Variants in AKT3 observed in about 807,000 individuals in gnomAD.
The protein encoded by AKT3 is AKT serine/threonine kinase 3.
In AKT3, 15 loss-of-function variants were observed where a neutral mutation model predicts 65.3. The observed-to-expected ratio is 0.23, with a 90% confidence interval of 0.15 to 0.35. The LOEUF (loss-of-function observed/expected upper bound fraction) is 0.35. AKT3 is among the 10% of genes least tolerant of loss of function. The pLI is 1.00. For missense variants in AKT3, 243 were observed against 576.5 expected, an observed-to-expected ratio of 0.42 and a Z score of 5.92; for synonymous variants, 206 against 183.8, an observed-to-expected ratio of 1.12 and a Z score of -0.98.
intron 4 of AKT3, among the ~76,000 whole-genome samples, chr1:243,663,968 T>C (rs1249751137): frequency 2.0e-5 from 3 of 152,104 alleles, no homozygotes; most frequent in African/African-American, 7.2e-5. Context: ...CTACCCACTT[T>C]AGTAATAATG....
At position 243,796,064 on chromosome 1, in the gene AKT3, A is replaced by T. The variant is rs79427043; in HGVS notation, c.46+47061T>A. 9.2e-5 allele frequency among the ~76,000 whole-genome samples: 14 copies of T among 152,344 alleles called. No homozygotes were observed. In the East Asian group the frequency reaches 2.7e-3, roughly 29 times the overall value. ...ACTCTTGGGAGCTTCGGACAAACAC[A>T]GTACTGCATTTCTTACAGGTATTTT... is the stretch of plus-strand genomic sequence containing the variant. On this transcript the variant is annotated intron_variant, in intron 2 of 13. Coordinates refer to ENST00000673466, the MANE Select transcript of AKT3 (RefSeq NM_005465.7).
chr1:243,800,290 A>C (rs1692300342), intron 2 of AKT3, among the ~76,000 whole-genome samples: 1 of 152,222 alleles, frequency 6.6e-6, no homozygotes, highest in Non-Finnish European at 1.5e-5. Flanking sequence ...TGCCAACCTT[A>C]CAGGGCTGTT....
At chr1:243,606,332 T>C (rs1387032203) in intron 8 of AKT3, among the ~76,000 whole-genome samples, 1 of 152,216 alleles carries the variant, frequency 6.6e-6, no homozygotes, top group Non-Finnish European at 1.5e-5. Flanking sequence ...ACTTGTTGAA[T>C]AGCTTTGACC....
At chr1:243,626,928 G>A (rs1440628570) in intron 6 of AKT3, among the ~76,000 whole-genome samples, 1 of 152,136 alleles carries the variant, frequency 6.6e-6, no homozygotes, top group Non-Finnish European at 1.5e-5. Context: ...AGTCAGAACA[G>A]GCTAAATGAG....
At chr1:243,698,605 T>C (rs988746759) in intron 2 of AKT3, among the ~76,000 whole-genome samples, 1 of 152,088 alleles carries the variant, frequency 6.6e-6, no homozygotes, top group Non-Finnish European at 1.5e-5. Flanking sequence ...AAAATAAATG[T>C]ATTATGCATC....
intron 2 of AKT3, among the ~76,000 whole-genome samples, chr1:243,803,639 T>A (rs1024587015): frequency 1.6e-4 from 20 of 121,582 alleles, no homozygotes; most frequent in African/African-American, 6.3e-4. Context: ...AACAAAGACG[T>A]ACATGTACAC....
intron 6 of AKT3, among the ~76,000 whole-genome samples, chr1:243,631,911 A>G (rs888736297): frequency 1.3e-5 from 2 of 152,170 alleles, no homozygotes; most frequent in African/African-American, 4.8e-5. Context: ...ATTTAGTCCT[A>G]TCTTCAGGCT....
At chr1:243,598,808 G>T (rs1020172241) in intron 8 of AKT3, among the ~76,000 whole-genome samples, 2 of 152,054 alleles carry the variant, frequency 1.3e-5, no homozygotes, top group African/African-American at 4.8e-5. Flanking sequence ...TATATTTATT[G>T]GGTTTATTTT....
intron 11 of AKT3, among the ~76,000 whole-genome samples, chr1:243,548,624 T>G (rs765171968): frequency 2.0e-5 from 3 of 152,238 alleles, no homozygotes; most frequent in Non-Finnish European, 4.4e-5. Context: ...AAGATATTTA[T>G]GTCTAGAATA....
chr1:243,593,603 CTTAAACCTGGGA>C (rs1359591826), intron 8 of AKT3, among the ~76,000 whole-genome samples: 2 of 152,136 alleles, frequency 1.3e-5, no homozygotes, highest in African/African-American at 4.8e-5. Context: ...AGGAGAATCA[CTTAAACCTGGGA>C]ATAAACCTGG....
At chr1:243,760,278 C>A (rs979585397) in intron 2 of AKT3, among the ~76,000 whole-genome samples, 2 of 109,590 alleles carry the variant, frequency 1.8e-5, no homozygotes, top group African/African-American at 6.9e-5. Context: ...ACCTCTATAT[C>A]TGGCTTTTTT....
intron 4 of AKT3, among the ~76,000 whole-genome samples, chr1:243,649,543 G>A (rs1293035437): frequency 1.3e-5 from 2 of 151,806 alleles, no homozygotes; most frequent in Non-Finnish European, 2.9e-5. Context: ...GGTTATTTCT[G>A]CTAATGCTAT....
At chr1:243,687,872 C>T (rs556018864) in intron 3 of AKT3, 4 of 152,172 alleles carry the variant, frequency 2.6e-5, no homozygotes, top group African/African-American at 9.6e-5. Flanking sequence ...CATAACACTA[C>T]CTATGAAAAT....
At chr1:243,742,502 G>GT (rs1688224605) in intron 2 of AKT3, among the ~76,000 whole-genome samples, 2 of 152,146 alleles carry the variant, frequency 1.3e-5, no homozygotes, top group Non-Finnish European at 1.5e-5. Context: ...CTGGGTGTCT[G>GT]TAATTCCAGC....
intron 13 of AKT3, among the ~76,000 whole-genome samples, chr1:243,508,373 CA>C (rs1271501710): frequency 2.0e-5 from 3 of 152,192 alleles, no homozygotes; most frequent in African/African-American, 7.2e-5. Context: ...TCTGCTGAGC[CA>C]CACAGACAGC....
chr1:243,668,227 A>T (rs1012509060), intron 3 of AKT3, among the ~76,000 whole-genome samples: 1 of 152,238 alleles, frequency 6.6e-6, no homozygotes, highest in Admixed American at 6.5e-5. Context: ...CCAACAAAGA[A>T]GGTAATTTTG....
chr1:243,758,571 C>A (rs1689288085), intron 2 of AKT3, among the ~76,000 whole-genome samples: 1 of 152,106 alleles, frequency 6.6e-6, no homozygotes, highest in African/African-American at 2.4e-5. Flanking sequence ...CACCAGGGAC[C>A]AGTTTCATGG....
At chr1:243,509,415 G>T (rs1669882273) in intron 13 of AKT3, among the ~76,000 whole-genome samples, 1 of 152,152 alleles carries the variant, frequency 6.6e-6, no homozygotes, top group Non-Finnish European at 1.5e-5. Flanking sequence ...AATAAAGCAG[G>T]TAAGATGAAT....
At chr1:243,709,195 G>A (rs1394683757) in intron 2 of AKT3, among the ~76,000 whole-genome samples, 2 of 148,340 alleles carry the variant, frequency 1.3e-5, no homozygotes, top group Admixed American at 6.8e-5. Flanking sequence ...CTTTATGTCA[G>A]AGTTTTACAT....
Sources: gnomAD v4.1 joint callset for allele counts (sites outside exome capture counted in the v4.1 genomes callset) on GRCh38, gnomAD v4.1.1 for gene constraint, MANE v1.5 for transcripts, NCBI Gene and HGNC (gene_info 2026-07-23, HGNC 2026-07-21) for gene names.